Variants in COP1 observed in about 807,000 individuals in gnomAD.
The protein encoded by COP1 is E3 ubiquitin-protein ligase COP1.
A neutral mutation model predicts 101.3 loss-of-function variants in COP1; 24 were observed. The observed-to-expected ratio is 0.24, with a 90% CI of 0.17 to 0.33. COP1 has a LOEUF of 0.33. Among genes scored for constraint, COP1 ranks in the 10% least tolerant of loss-of-function variants. The pLI is 1.00. For synonymous variants in COP1, 347 were observed against 341.9 expected, an observed-to-expected ratio of 1.01 and a Z score of -0.17; for missense variants, 663 against 906.2, an observed-to-expected ratio of 0.73 and a Z score of 3.45.
At chr1:175,968,730 T>A (rs536432485) in intron 18 of COP1, among the ~76,000 whole-genome samples, 1 of 152,296 alleles carries the variant, frequency 6.6e-6, no homozygotes, top group African/African-American at 2.4e-5. Context: ...GTGAAGAACA[T>A]ACACAAGGGA....
intron 18 of COP1, among the ~76,000 whole-genome samples, chr1:175,963,666 C>A (rs557438358): frequency 6.6e-6 from 1 of 152,180 alleles, no homozygotes; most frequent in East Asian, 1.9e-4. Context: ...GTCCAGGTAC[C>A]TTCCTTTCCC....
At chr1:176,173,332 A>AAAG (rs1572677664) in intron 3 of COP1, among the ~76,000 whole-genome samples, 1 of 148,148 alleles carries the variant, frequency 6.8e-6, no homozygotes, top group African/African-American at 2.5e-5. Context: ...ATGAAAAAAA[A>AAAG]AAAAAAAAAA....
chr1:176,089,766 T>G (rs1680943790), intron 9 of COP1, among the ~76,000 whole-genome samples: 1 of 152,218 alleles, frequency 6.6e-6, no homozygotes, highest in Admixed American at 6.5e-5. Flanking sequence ...TGGGTTTTAC[T>G]TAACCCTATA....
chr1:175,966,280 TACACAC>T (rs66711924), intron 18 of COP1, among the ~76,000 whole-genome samples: 2,870 of 150,248 alleles, frequency 0.019, 100 homozygotes, highest in African/African-American at 0.063. Context: ...GTGTTTGCAA[TACACAC>T]ACACACACAC....
chr1:176,121,452 A>G (rs1196857700), intron 8 of COP1, among the ~76,000 whole-genome samples: 1 of 152,160 alleles, frequency 6.6e-6, no homozygotes, highest in South Asian at 2.1e-4. Flanking sequence ...TAACAGCAGC[A>G]GCTAACATTT....
chr1:176,095,391 T>A (rs1377871637), intron 9 of COP1, among the ~76,000 whole-genome samples: 1 of 152,212 alleles, frequency 6.6e-6, no homozygotes, highest in African/African-American at 2.4e-5. Context: ...AATAGTAAGA[T>A]GTTATTTGCA....
chr1:176,038,701 C>T (rs753798850), intron 14 of COP1, among the ~76,000 whole-genome samples: 30 of 151,152 alleles, frequency 2.0e-4, no homozygotes, highest in Non-Finnish European at 2.5e-4. Context: ...GCCTGTAATC[C>T]CAGCTACTCA....
chr1:176,201,559 A>C (rs923722959), intron 1 of COP1, among the ~76,000 whole-genome samples: 6 of 152,240 alleles, frequency 3.9e-5, no homozygotes, highest in African/African-American at 1.2e-4. Context: ...GGAAAAGATA[A>C]CTGCTTATCA....
chr1:176,183,369 G>C (rs74127200), intron 2 of COP1, among the ~76,000 whole-genome samples: 43 of 152,240 alleles, frequency 2.8e-4, no homozygotes, highest in African/African-American at 1.0e-3. Flanking sequence ...AACAGAATAG[G>C]TTTAAAAATA....
At chr1:176,202,308 G>A (rs1251172809) in intron 1 of COP1, among the ~76,000 whole-genome samples, 1 of 150,570 alleles carries the variant, frequency 6.6e-6, no homozygotes, top group Non-Finnish European at 1.5e-5. Flanking sequence ...TCCCATCTCA[G>A]CTTCTTGAGT....
intron 15 of COP1, among the ~76,000 whole-genome samples, chr1:175,996,081 G>T (rs1379882735): frequency 6.6e-6 from 1 of 152,178 alleles, no homozygotes; most frequent in Non-Finnish European, 1.5e-5. Context: ...TGGGATGCAA[G>T]GCTGGTTCAA....
At chr1:176,046,520 T>C (rs1671544947) in intron 11 of COP1, among the ~76,000 whole-genome samples, 196 bp from the exon 12 acceptor site, 1 of 152,086 alleles carries the variant, frequency 6.6e-6, no homozygotes, top group African/African-American at 2.4e-5. Context: ...TTTTAATATA[T>C]ACATTTGTAT....
intron 1 of COP1, among the ~76,000 whole-genome samples, chr1:176,191,069 C>A (rs914508773): frequency 2.6e-5 from 4 of 151,984 alleles, no homozygotes; most frequent in Admixed American, 1.3e-4. Context: ...CAAATAACCA[C>A]CTGATTCTTT....
intron 6 of COP1, among the ~76,000 whole-genome samples, chr1:176,143,950 T>G (rs550818519): frequency 2.0e-5 from 3 of 150,042 alleles, no homozygotes; most frequent in East Asian, 1.9e-4. Flanking sequence ...GGGTAAAAAT[T>G]TACTACCTTG....
In COP1 at chr1:176,163,002, A is replaced by C. The variant is rs376900420; in HGVS notation, c.643-14T>G. The C allele has an allele frequency of 1.0e-5, 16 of 1,588,986 alleles. No individual in the cohort carries two copies. The African/African-American group carries it at 1.6e-4, about 16-fold the overall frequency. On this transcript the variant is annotated splice_polypyrimidine_tract_variant and intron_variant, in intron 4 of 19. Transcript: ENST00000367669. ...CCTGTGGCCATTCTAAAAATGAAGA[A>C]AGAAGAAACACAACAACTTCCTATG...
chr1:176,116,030 A>G (rs1411811855), intron 9 of COP1, among the ~76,000 whole-genome samples: 1 of 152,218 alleles, frequency 6.6e-6, no homozygotes, highest in East Asian at 1.9e-4. Context: ...CTGATTATTC[A>G]TAATTTTTTT....
chr1:176,206,500 C>T, intron 1 of COP1, 72 bp downstream of exon 1: 2 of 1,545,030 alleles, frequency 1.3e-6, no homozygotes, highest in South Asian at 1.1e-5. Flanking sequence ...CCACACCAGA[C>T]CCCCCGCCCC....
At chr1:175,983,179 G>C (rs538985189) in intron 18 of COP1, among the ~76,000 whole-genome samples, 10 of 152,250 alleles carry the variant, frequency 6.6e-5, no homozygotes, top group African/African-American at 2.4e-4. Context: ...AAAAGAAACT[G>C]ATGGCTTAAA....
At chr1:176,093,707 G>A (rs1681782796) in intron 9 of COP1, among the ~76,000 whole-genome samples, 1 of 152,188 alleles carries the variant, frequency 6.6e-6, no homozygotes, top group Admixed American at 6.5e-5. Flanking sequence ...AAATGTGGTG[G>A]TGGGTGCCTG....
Sources: gnomAD v4.1 joint callset for allele counts (sites outside exome capture counted in the v4.1 genomes callset) on GRCh38, gnomAD v4.1.1 for gene constraint, MANE v1.5 for transcripts, NCBI Gene and HGNC (gene_info 2026-07-23, HGNC 2026-07-21) for gene names.